Variants in PPP6R3 observed in about 807,000 individuals in gnomAD.
The protein encoded by PPP6R3 is serine/threonine-protein phosphatase 6 regulatory subunit 3.
PPP6R3 carries 38 observed loss-of-function variants against 110.7 expected under a neutral mutation model. The observed-to-expected ratio is 0.34, with a 90% CI of 0.26 to 0.45. PPP6R3 has a LOEUF of 0.45. Ranked by LOEUF, PPP6R3 falls within the 20% of genes least tolerant of loss-of-function variation. The probability of loss-of-function intolerance (pLI) is 1.00; values close to 1 mark genes in which losing one functional copy is unlikely to be tolerated. For missense variants in PPP6R3, 870 were observed against 1,062.4 expected, an observed-to-expected ratio of 0.82 and a Z score of 2.52; for synonymous variants, 369 against 373.5, an observed-to-expected ratio of 0.99 and a Z score of 0.14.
chr11:68,585,180 C>A (rs1433163534), intron 15 of PPP6R3, among the ~76,000 whole-genome samples: 1 of 152,188 alleles, frequency 6.6e-6, no homozygotes, highest in East Asian at 1.9e-4. Context: ...CTTGTCTGGT[C>A]TCCTAAAGTC....
chr11:68,531,307 T>TTTGTTTTATTTA lies in PPP6R3; in HGVS notation c.-6-6350_-6-6349insGTTTTATTTATT, dbSNP rs143892274. On this transcript the variant is annotated intron_variant, in intron 2 of 23. Transcript: ENST00000393800. ...TATTGAGTCAGAATCTGAGACTGTG[T>TTTGTTTTATTTA]TTTATTTATTTATTTATTTATTTAT... 2.2e-5 allele frequency among the ~76,000 whole-genome samples: 3 copies of TTTGTTTTATTTA among 136,952 alleles called. No individual in the cohort carries two copies. In the South Asian group the frequency reaches 7.4e-4, roughly 34 times the overall value. 89.8% of individuals were successfully genotyped at this position (136,952 alleles called of 152,430 possible).
chr11:68,567,438 C>CT (rs563185644), intron 10 of PPP6R3, among the ~76,000 whole-genome samples: 13 of 152,300 alleles, frequency 8.5e-5, no homozygotes, highest in Admixed American at 7.8e-4. Flanking sequence ...CGTGCTCCGT[C>CT]TCGTGGACAA....
At chr11:68,584,563 G>A (rs1472813392) in intron 15 of PPP6R3, among the ~76,000 whole-genome samples, 2 of 152,104 alleles carry the variant, frequency 1.3e-5, no homozygotes, top group African/African-American at 2.4e-5. Context: ...TTGGAACTTC[G>A]GCTGTCAATT....
At chr11:68,498,391 AT>A (rs1292522913) in intron 1 of PPP6R3, among the ~76,000 whole-genome samples, 4 of 152,146 alleles carry the variant, frequency 2.6e-5, no homozygotes, top group African/African-American at 7.2e-5. Context: ...TATTATTACT[AT>A]TTAAAAACTC....
intron 5 of PPP6R3, among the ~76,000 whole-genome samples, chr11:68,550,046 C>A (rs1375276708): frequency 6.6e-6 from 1 of 152,082 alleles, no homozygotes. Context: ...TGTTTCGGGA[C>A]ATTATTACTC....
intron 1 of PPP6R3, among the ~76,000 whole-genome samples, chr11:68,462,870 G>C (rs192540663): frequency 6.6e-6 from 1 of 152,176 alleles, no homozygotes; most frequent in Non-Finnish European, 1.5e-5. Flanking sequence ...CTTAAGTAGA[G>C]ATGAGTATCT....
intron 2 of PPP6R3, among the ~76,000 whole-genome samples, chr11:68,526,146 C>T (rs549880942): frequency 1.4e-4 from 21 of 152,254 alleles, no homozygotes; most frequent in African/African-American, 2.9e-4. Flanking sequence ...CTCATTTGTT[C>T]GCTCTTGGAA....
intron 23 of PPP6R3, 33 bp from the exon 24 acceptor site, chr11:68,613,033 A>G (rs1944358406): frequency 1.2e-6 from 2 of 1,614,100 alleles, no homozygotes; most frequent in Non-Finnish European, 1.7e-6. Context: ...TTTCTGCTGC[A>G]AGTGCCTCCG....
rs150254244 is a variant in PPP6R3 at position 68,518,674 on chromosome 11, A to G, written c.-157-827A>G. On this transcript the variant is annotated intron_variant, in intron 1 of 23. Coordinates refer to ENST00000393800, the MANE Select transcript of PPP6R3 (RefSeq NM_001164161.2). ...AATATACTCGTTTTAATTTGCACCG[A>G]GGCCTGTTACTGTTATTTTTGTTGA... is the stretch of plus-strand genomic sequence containing the variant. 2.2e-4 allele frequency among the ~76,000 whole-genome samples: 33 copies of G among 152,248 alleles called. No homozygotes were observed. The East Asian group carries it at 6.4e-3, about 29-fold the overall frequency.
intron 3 of PPP6R3, among the ~76,000 whole-genome samples, chr11:68,541,071 T>C (rs963731632): frequency 6.6e-6 from 1 of 152,312 alleles, no homozygotes; most frequent in South Asian, 2.1e-4. Context: ...AGGTGATAAG[T>C]GTCCATGAAA....
chr11:68,489,295 G>C (rs1176784709), intron 1 of PPP6R3, among the ~76,000 whole-genome samples: 1 of 151,886 alleles, frequency 6.6e-6, no homozygotes, highest in African/African-American at 2.4e-5. Flanking sequence ...TTTTTTGTTT[G>C]TGCTTTTGTC....
At chr11:68,550,296 C>A (rs2099365785) in intron 5 of PPP6R3, among the ~76,000 whole-genome samples, 1 of 152,076 alleles carries the variant, frequency 6.6e-6, no homozygotes, top group Non-Finnish European at 1.5e-5. Flanking sequence ...GTCAGGGTTT[C>A]TTCTCTGTTC....
At chr11:68,469,498 C>G (rs983262402) in intron 1 of PPP6R3, among the ~76,000 whole-genome samples, 2 of 151,700 alleles carry the variant, frequency 1.3e-5, no homozygotes, top group East Asian at 3.9e-4. Context: ...CTCAGCCTCC[C>G]GAGTAGCTGG....
chr11:68,480,617 G>A (rs572254628), intron 1 of PPP6R3, among the ~76,000 whole-genome samples: 5 of 152,254 alleles, frequency 3.3e-5, no homozygotes, highest in African/African-American at 1.2e-4. Context: ...CCTCATGTTG[G>A]CCAGTCCAGC....
chr11:68,469,283 G>T (rs1386333123), intron 1 of PPP6R3, among the ~76,000 whole-genome samples: 1 of 152,202 alleles, frequency 6.6e-6, no homozygotes, highest in Non-Finnish European at 1.5e-5. Context: ...GTCAATGCCT[G>T]CTCTAATCTG....
intron 1 of PPP6R3, among the ~76,000 whole-genome samples, chr11:68,493,665 C>T (rs2098997809): frequency 6.7e-6 from 1 of 149,474 alleles, no homozygotes; most frequent in Non-Finnish European, 1.5e-5. Flanking sequence ...AATACACACA[C>T]ACACAGAGAC....
At chr11:68,593,952 A>G (rs2099603395) in intron 18 of PPP6R3, among the ~76,000 whole-genome samples, 1 of 152,154 alleles carries the variant, frequency 6.6e-6, no homozygotes, top group Non-Finnish European at 1.5e-5. Context: ...GAGCCAAGAT[A>G]AAAAAACAAA....
At chr11:68,557,933 C>G (rs779792623) in intron 7 of PPP6R3, among the ~76,000 whole-genome samples, 2 of 152,210 alleles carry the variant, frequency 1.3e-5, no homozygotes, top group Admixed American at 6.5e-5. Flanking sequence ...TGTTATCTTA[C>G]TATGTATGAG....
intron 1 of PPP6R3, among the ~76,000 whole-genome samples, chr11:68,502,560 T>A (rs193273054): frequency 6.6e-6 from 1 of 152,306 alleles, no homozygotes; most frequent in Non-Finnish European, 1.5e-5. Flanking sequence ...AAAAGATCTT[T>A]ATGGATGAAT....
Sources: allele counts gnomAD v4.1 joint callset (sites outside exome capture counted in the v4.1 genomes callset), GRCh38; gene constraint gnomAD v4.1.1; transcripts MANE v1.5; gene names NCBI Gene and HGNC (gene_info 2026-07-23, HGNC 2026-07-21).